The following ATP9A variants were observed in gnomAD, a reference collection of about 807,000 sequenced individuals.
ATP9A encodes the protein probable phospholipid-transporting ATPase IIA.
In ATP9A, 52 loss-of-function variants were observed where a neutral mutation model predicts 144.1. The ratio of observed to expected loss-of-function variants is 0.36; its 90% CI spans 0.29 to 0.45. The LOEUF (loss-of-function observed/expected upper bound fraction) is 0.45. ATP9A is among the 20% of genes least tolerant of loss of function. ATP9A has a pLI of 1.00. For synonymous variants in ATP9A, 582 were observed against 557.4 expected (o/e 1.04, Z -0.62); for missense variants, 947 against 1,392.7 (o/e 0.68, Z 5.09).
chr20:51,768,275 G>A, intron 1 of ATP9A, 27 bp downstream of exon 1: 1 of 1,248,292 alleles, frequency 8.0e-7, no homozygotes, highest in Admixed American at 4.1e-5. Context: ...CGCGGACAAA[G>A]GAAAACACGG....
At chr20:51,640,216 T>C (rs1380868138) in intron 14 of ATP9A, among the ~76,000 whole-genome samples, 1 of 152,170 alleles carries the variant, frequency 6.6e-6, no homozygotes, top group Non-Finnish European at 1.5e-5. Context: ...GACACAGCCC[T>C]TCGCCTTCAG....
At chr20:51,654,137 T>C (rs2077377929) in intron 14 of ATP9A, among the ~76,000 whole-genome samples, 1 of 152,134 alleles carries the variant, frequency 6.6e-6, no homozygotes, top group Non-Finnish European at 1.5e-5. Context: ...TCTCAGAAGG[T>C]AGCCAGGGGT....
At chr20:51,646,935 T>C (rs772041509) in intron 14 of ATP9A, among the ~76,000 whole-genome samples, 38 of 151,860 alleles carry the variant, frequency 2.5e-4, no homozygotes, top group Non-Finnish European at 4.4e-4. Context: ...CTGGCCAACA[T>C]AGTGAAAACC....
At chr20:51,698,227 C>CA (rs1394486621) in intron 4 of ATP9A, among the ~76,000 whole-genome samples, 1 of 152,078 alleles carries the variant, frequency 6.6e-6, no homozygotes, top group African/African-American at 2.4e-5. Context: ...CCATTCAACC[C>CA]AAAAAACATG....
chr20:51,642,172 C>G (rs1381770348), intron 14 of ATP9A, among the ~76,000 whole-genome samples: 1 of 151,306 alleles, frequency 6.6e-6, no homozygotes, highest in Non-Finnish European at 1.5e-5. Context: ...GTTTTGTTTT[C>G]GTGATGGAGT....
At chr20:51,736,220 G>A (rs528139024) in intron 1 of ATP9A, among the ~76,000 whole-genome samples, 45 of 152,318 alleles carry the variant, frequency 3.0e-4, no homozygotes, top group Non-Finnish European at 5.0e-4. Context: ...CACCCATCAC[G>A]GGGAGAAGAT....
intron 14 of ATP9A, among the ~76,000 whole-genome samples, chr20:51,640,266 C>A (rs950361380): frequency 6.6e-6 from 1 of 152,212 alleles, no homozygotes; most frequent in Non-Finnish European, 1.5e-5. Flanking sequence ...GGGGGAGTGT[C>A]TTCAGTGGTT....
chr20:51,608,418 C>G (rs1320673974), intron 25 of ATP9A, 100 bp downstream of exon 25: 4 of 804,620 alleles, frequency 5.0e-6, no homozygotes, highest in East Asian at 4.9e-5. Context: ...ATTGGAGGGT[C>G]TGTGTGAAAT....
intron 3 of ATP9A, among the ~76,000 whole-genome samples, chr20:51,717,504 A>AC (rs1209428274): frequency 6.6e-6 from 1 of 152,132 alleles, no homozygotes; most frequent in Non-Finnish European, 1.5e-5. Context: ...AGGGTCTACA[A>AC]CGTGGAGACC....
intron 13 of ATP9A, among the ~76,000 whole-genome samples, chr20:51,657,472 C>T (rs1292107347): frequency 6.6e-6 from 1 of 152,112 alleles, no homozygotes; most frequent in Non-Finnish European, 1.5e-5. Flanking sequence ...CCCCACTGCA[C>T]TGAAAGGGAT....
chr20:51,660,034 G>C (rs1488837333), intron 13 of ATP9A, among the ~76,000 whole-genome samples: 2 of 152,178 alleles, frequency 1.3e-5, no homozygotes, highest in Admixed American at 6.5e-5. Context: ...ATAAAGAAAA[G>C]ATTTACAGAA....
At chr20:51,664,551 G>C (rs2077424570) in intron 13 of ATP9A, among the ~76,000 whole-genome samples, 1 of 151,996 alleles carries the variant, frequency 6.6e-6, no homozygotes, top group African/African-American at 2.4e-5. Flanking sequence ...TGGCACCACT[G>C]CACCGTAGTC....
intron 1 of ATP9A, among the ~76,000 whole-genome samples, chr20:51,759,752 C>CTA (rs2122917941): frequency 6.6e-6 from 1 of 152,210 alleles, no homozygotes; most frequent in South Asian, 2.1e-4. Flanking sequence ...ATATCTAATA[C>CTA]TATCTCCACT....
intron 14 of ATP9A, among the ~76,000 whole-genome samples, chr20:51,642,726 CAAAAAAAAAAAAAA>C (rs778440862): frequency 9.6e-4 from 30 of 31,144 alleles, no homozygotes; most frequent in East Asian, 4.1e-3. Context: ...ACTCTGTCTC[CAAAAAAAAAAAAAA>C]AAAAAAAAAA....
At chr20:51,610,778 C>T (rs1346545295) in intron 23 of ATP9A, among the ~76,000 whole-genome samples, 7 of 152,132 alleles carry the variant, frequency 4.6e-5, no homozygotes, top group Non-Finnish European at 8.8e-5. Flanking sequence ...GAAGTGTCTA[C>T]GGGGGCTGGG....
rs868474081 is a variant in ATP9A, at chr20:51,662,437, C to T, written c.1294-5287G>A. On this transcript the variant is annotated intron_variant, in intron 13 of 27. Transcript: ENST00000338821. ...GCAGGTGCCTGTAATCCCAGCTACT[C>T]GGCAGGCTGAGGCAGGAGAATTGCT... is the stretch of plus-strand genomic sequence containing the variant. 5.9e-5 allele frequency among the ~76,000 whole-genome samples: 9 copies of T among 151,634 alleles called. No homozygotes were observed. In the South Asian group the frequency reaches 1.3e-3, roughly 21 times the overall value.
At chr20:51,709,019 G>A (rs1364166136) in intron 4 of ATP9A, among the ~76,000 whole-genome samples, 1 of 152,154 alleles carries the variant, frequency 6.6e-6, no homozygotes, top group Non-Finnish European at 1.5e-5. Flanking sequence ...AAAAAGGATT[G>A]TAAATTAGAT....
At chr20:51,672,019 C>T (rs1161737303) in intron 11 of ATP9A, among the ~76,000 whole-genome samples, 1 of 151,982 alleles carries the variant, frequency 6.6e-6, no homozygotes, top group Non-Finnish European at 1.5e-5. Flanking sequence ...AGGCTGGTCT[C>T]AAACTCCTGG....
chr20:51,652,153 G>C (rs1051586923), intron 14 of ATP9A, among the ~76,000 whole-genome samples: 1 of 152,144 alleles, frequency 6.6e-6, no homozygotes, highest in East Asian at 1.9e-4. Flanking sequence ...GATGCTGTCA[G>C]GGCTGAGGCC....
Sources: allele counts gnomAD v4.1 joint callset (sites outside exome capture counted in the v4.1 genomes callset), GRCh38; gene constraint gnomAD v4.1.1; transcripts MANE v1.5; gene names NCBI Gene and HGNC (gene_info 2026-07-23, HGNC 2026-07-21).